NALCN: variants seen among roughly 807,000 people sequenced by gnomAD.
NALCN encodes the protein sodium leak channel NALCN.
NALCN carries 111 observed loss-of-function variants against 225.3 expected under a neutral mutation model. That is an observed-to-expected ratio of 0.49 (90% confidence interval 0.42 to 0.58). The LOEUF is 0.58. Ranked by LOEUF, NALCN falls within the 20% of genes least tolerant of loss-of-function variation. The pLI, the probability that NALCN is intolerant of heterozygous loss-of-function variation, is 0.00. For missense variants in NALCN, 1,378 were observed against 2,202.4 expected, an observed-to-expected ratio of 0.63 and a Z score of 7.49; for synonymous variants, 764 against 769.0, an observed-to-expected ratio of 0.99 and a Z score of 0.11.
At chr13:101,290,897 G>A (rs770773130) in intron 9 of NALCN, among the ~76,000 whole-genome samples, 12 of 152,008 alleles carry the variant, frequency 7.9e-5, no homozygotes, top group Non-Finnish European at 1.8e-4. Flanking sequence ...TCCTGATTCT[G>A]GAATTTATAT....
At chr13:101,332,928 A>G (rs1181237806) in intron 7 of NALCN, among the ~76,000 whole-genome samples, 1 of 152,230 alleles carries the variant, frequency 6.6e-6, no homozygotes, top group Non-Finnish European at 1.5e-5. Context: ...TGTAAGAACT[A>G]CTACAAGTTA....
chr13:101,135,056 G>A (rs1393009719), intron 17 of NALCN, among the ~76,000 whole-genome samples: 2 of 152,020 alleles, frequency 1.3e-5, no homozygotes, highest in Admixed American at 6.6e-5. Context: ...TTAGCCGGGC[G>A]TGGTTGCGGG....
At chr13:101,397,107 T>TACACAC (rs1339444191) in intron 2 of NALCN, among the ~76,000 whole-genome samples, 8 of 83,374 alleles carry the variant, frequency 9.6e-5, no homozygotes, top group African/African-American at 4.0e-4. Context: ...TATATATATA[T>TACACAC]ATACATACAC....
Position 101,411,537 on chromosome 13 carries a change from AC to A in NALCN, c.-40+4775del, listed in dbSNP as rs200026987. Among the ~76,000 whole-genome samples, 1,210 of 152,058 alleles carry A rather than the reference AC, an allele frequency of 8.0e-3. 18 individuals are homozygous for A. The highest frequency in any genetic ancestry group is 0.031 in the Middle Eastern group (9 of 294). The stretch of plus-strand genomic sequence containing the variant: ...TAATTTTTTTGTATTTTTAGCAGGG[AC>A]GGGGTTTCACCATGTTGGCCACGCT... On this transcript the variant is annotated intron_variant, in intron 1 of 43. Transcript: ENST00000251127.
rs1167453125 is a variant in NALCN, at chr13:101,104,142, T to C, written c.2889+153A>G. ...TTAGATTTTACATGCATGGCCCTTA[T>C]TTGCATATAATGAACTACTCTAGAG... On this transcript the variant is annotated intron_variant, in intron 25 of 43. Coordinates refer to ENST00000251127, the MANE Select transcript of NALCN (RefSeq NM_052867.4). The surrounding 1 kb of genome is among the most constrained non-coding windows in gnomAD (Gnocchi z 4.2). Among the ~76,000 whole-genome samples, 4 of 152,294 alleles carry C rather than the reference T, an allele frequency of 2.6e-5. No individual in the cohort carries two copies. The highest frequency in any genetic ancestry group is 5.9e-5 in the Non-Finnish European group (4 of 68,024).
intron 15 of NALCN, among the ~76,000 whole-genome samples, chr13:101,151,828 T>C (rs1404081026): frequency 1.3e-5 from 2 of 152,134 alleles, no homozygotes; most frequent in South Asian, 2.1e-4. Context: ...CACATGTTGG[T>C]TTTTAATAAT....
Position 101,124,554 on chromosome 13 carries a change from G to T in NALCN, c.2192+54C>A, listed in dbSNP as rs549420754. 4.1e-6 allele frequency: 6 copies of T among 1,462,586 alleles called. No homozygotes were observed. The Admixed American group carries it at 7.7e-5, about 19-fold the overall frequency. The allele number at this position is 1,462,586 out of a possible 1,614,324, so 90.6% of individuals were successfully genotyped here. ...TTCATTTTTCAAAAAGCTATTTTTC[G>T]ATTAATATAATCCCACTTGTGTTTA... On this transcript the variant is annotated intron_variant, in intron 18 of 43. Transcript: ENST00000251127.
At chr13:101,198,571 C>A (rs1004041558) in intron 13 of NALCN, among the ~76,000 whole-genome samples, 4 of 152,144 alleles carry the variant, frequency 2.6e-5, no homozygotes, top group African/African-American at 9.7e-5. Context: ...CAGAGAAATG[C>A]AAATCAAAAC....
At chr13:101,302,231 C>T (rs981679869) in intron 7 of NALCN, among the ~76,000 whole-genome samples, 17 of 152,066 alleles carry the variant, frequency 1.1e-4, no homozygotes, top group African/African-American at 3.6e-4. Flanking sequence ...CATACATATT[C>T]AATAAAAATG....
At chr13:101,064,777 A>G (rs137889111) in intron 40 of NALCN, among the ~76,000 whole-genome samples, 1 of 152,286 alleles carries the variant, frequency 6.6e-6, no homozygotes, top group East Asian at 1.9e-4. Flanking sequence ...CTTCGAGACC[A>G]TACCTTTCTG....
At chr13:101,350,735 T>C (rs1235036121) in intron 6 of NALCN, among the ~76,000 whole-genome samples, 1 of 152,206 alleles carries the variant, frequency 6.6e-6, no homozygotes, top group Non-Finnish European at 1.5e-5. Flanking sequence ...CTTAAATTGA[T>C]AGACTTTGAG....
intron 15 of NALCN, among the ~76,000 whole-genome samples, chr13:101,146,882 G>A (rs1297817126): frequency 6.6e-6 from 1 of 152,150 alleles, no homozygotes. Context: ...CACTCTGGCA[G>A]ATATAGGAAC....
At chr13:101,195,815 T>C (rs2039868666) in intron 13 of NALCN, among the ~76,000 whole-genome samples, 1 of 152,240 alleles carries the variant, frequency 6.6e-6, no homozygotes, top group Non-Finnish European at 1.5e-5. Context: ...CAGTGTGAGA[T>C]GAAGGTATTA....
intron 7 of NALCN, among the ~76,000 whole-genome samples, chr13:101,311,415 G>A (rs914365315): frequency 4.7e-5 from 7 of 150,110 alleles, no homozygotes; most frequent in African/African-American, 1.7e-4. Flanking sequence ...GGAGTGGTGA[G>A]AGAGGGCATC....
Position 101,292,465 on chromosome 13 carries a change from T to C in NALCN, c.800-99A>G. On this transcript the variant is annotated intron_variant, in intron 7 of 43. Coordinates refer to ENST00000251127, the MANE Select transcript of NALCN (RefSeq NM_052867.4). This position sits in a 1 kb window ranked among gnomAD's most constrained non-coding sequence, Gnocchi z 4.3. Reference sequence around the variant, plus strand: ...TCAATATTTATCCATACTTATTTTCTCAATGACAAAAGTGCTTCAAAAATT... The same window carrying C: ...TCAATATTTATCCATACTTATTTTCCCAATGACAAAAGTGCTTCAAAAATT... The C allele has an allele frequency of 1.6e-6, 2 of 1,275,566 alleles. 1 individual carries two copies. Among genetic ancestry groups the C allele is most frequent in the Non-Finnish European group, 2.1e-6 (2 of 942,354 alleles). 79.0% of individuals were successfully genotyped at this position (1,275,566 alleles called of 1,614,324 possible). A position where few individuals can be genotyped will look rare whatever the true frequency, so the allele number is the denominator to read the frequency against.
chr13:101,161,594 T>A lies in NALCN; in HGVS notation c.1839+14706A>T, dbSNP rs139822448. ...AAACATTAAAGGTAAATGTTCTGGCTGGTATGGTGGCTCATGCCTGTAATC... is the reference window on the plus strand; with the variant it reads ...AAACATTAAAGGTAAATGTTCTGGCAGGTATGGTGGCTCATGCCTGTAATC... On this transcript the variant is annotated intron_variant, in intron 15 of 43. Transcript: ENST00000251127. Among the ~76,000 whole-genome samples, 17 of 152,296 alleles carry A rather than the reference T, an allele frequency of 1.1e-4. 1 individual carries two copies. The East Asian group carries it at 3.3e-3, about 29-fold the overall frequency.
chr13:101,411,670 A>G (rs1367994156), intron 1 of NALCN, among the ~76,000 whole-genome samples: 2 of 152,188 alleles, frequency 1.3e-5, no homozygotes, highest in African/African-American at 4.8e-5. Flanking sequence ...TTGACTGTGC[A>G]TACTATAATG....
intron 13 of NALCN, among the ~76,000 whole-genome samples, chr13:101,227,610 G>T (rs1274502131): frequency 6.6e-6 from 1 of 152,110 alleles, no homozygotes; most frequent in Non-Finnish European, 1.5e-5. Context: ...TTGCAAGCAG[G>T]TCTTGTTCTC....
chr13:101,336,017 T>C, intron 7 of NALCN, among the ~76,000 whole-genome samples: 1 of 152,198 alleles, frequency 6.6e-6, no homozygotes, highest in East Asian at 1.9e-4. Flanking sequence ...TTTATGTCCA[T>C]ATTTAACATC....
Sources: gnomAD v4.1 joint callset for allele counts (sites outside exome capture counted in the v4.1 genomes callset) on GRCh38, gnomAD v4.1.1 for gene constraint, Gnocchi (gnomAD v3.1) non-coding constraint, MANE v1.5 for transcripts, NCBI Gene and HGNC (gene_info 2026-07-23, HGNC 2026-07-21) for gene names.